Variants in DYNC1H1 observed in about 807,000 individuals in gnomAD.
DYNC1H1 encodes dynein cytoplasmic 1 heavy chain 1, also known as cytoplasmic dynein 1 heavy chain 1.
A neutral mutation model predicts 527.1 loss-of-function variants in DYNC1H1; 51 were observed. The observed-to-expected ratio is 0.10, with a 90% CI of 0.08 to 0.12. The LOEUF is 0.12. Among genes scored for constraint, DYNC1H1 ranks in the 10% least tolerant of loss-of-function variants. The pLI, the probability that DYNC1H1 is intolerant of heterozygous loss-of-function variation, is 1.00. For missense variants in DYNC1H1, 2,771 were observed against 5,971.8 expected (o/e 0.46, Z 17.66); for synonymous variants, 2,189 against 2,278.8 (o/e 0.96, Z 1.12).
In DYNC1H1 at chr14:102,001,486, A is replaced by G. The variant is rs1252120247; in HGVS notation, c.4396-49A>G. ...ATAATGCTGGGTCCCTTGTGCAGGTAGTGAATGCCCACATATTGATAACAT... is the reference window on the plus strand; with the variant it reads ...ATAATGCTGGGTCCCTTGTGCAGGTGGTGAATGCCCACATATTGATAACAT... On this transcript the variant is annotated intron_variant, in intron 20 of 77. Transcript: ENST00000360184. This position sits in a 1 kb window ranked among gnomAD's most constrained non-coding sequence, Gnocchi z 5.0. 2.5e-6 allele frequency: 4 copies of G among 1,613,870 alleles called. No homozygotes were observed. The highest frequency in any genetic ancestry group is 2.2e-5 in the South Asian group (2 of 91,060).
chr14:101,994,606 T>C, intron 12 of DYNC1H1, 67 bp from the exon 13 acceptor site: 1 of 1,584,732 alleles, frequency 6.3e-7, no homozygotes, highest in South Asian at 1.1e-5. Context: ...AATGTGAACA[T>C]AAGAGGTGCC....
At chr14:102,040,983 A>C (rs1478360333) in intron 64 of DYNC1H1, 4 of 462,392 alleles carry the variant, frequency 8.7e-6, no homozygotes, top group Non-Finnish European at 1.6e-5. Context: ...GATTCCCAAG[A>C]TAAGTATTTC....
chr14:101,979,656 A>G lies in DYNC1H1; in HGVS notation c.519-63A>G, dbSNP rs1343751087. The G allele has an allele frequency of 1.9e-6, 3 of 1,611,844 alleles. No individual in the cohort carries two copies. In the African/African-American group the frequency reaches 4.0e-5, roughly 22 times the overall value. The stretch of plus-strand genomic sequence containing the variant: ...GTCATTACTATTTGACAGACCTGAA[A>G]TGATGGGATCTCTTTGGAGACCAAT... On this transcript the variant is annotated intron_variant, in intron 3 of 77. Transcript: ENST00000360184. The surrounding 1 kb of genome is among the most constrained non-coding windows in gnomAD (Gnocchi z 4.6).
intron 42 of DYNC1H1, 92 bp from the exon 43 acceptor site, chr14:102,022,659 G>A (rs1462229458): frequency 1.0e-5 from 16 of 1,584,146 alleles, no homozygotes; most frequent in Admixed American, 3.4e-5. Flanking sequence ...GCATCCTTTG[G>A]AAGAGCCCAC....
At chr14:102,046,847 G>A (rs1418868088) in intron 72 of DYNC1H1, among the ~76,000 whole-genome samples, 2 of 150,242 alleles carry the variant, frequency 1.3e-5, no homozygotes, top group Non-Finnish European at 2.9e-5. Context: ...CACTCAGACT[G>A]GAGTGCAGTG....
chr14:102,019,973 A>G lies in DYNC1H1; in HGVS notation c.8424A>G (p.Glu2808=), dbSNP rs1312462200. 6.2e-7 allele frequency: 1 copy of G among 1,614,044 alleles called. No homozygotes were observed. The highest frequency in any genetic ancestry group is 1.7e-5 in the Admixed American group (1 of 59,984). ...CTAGGTGGGTGAGAGGCATCTTTGA[A>G]GCGCTGAGACCTCTGGAGACCCTGC... The part of the protein sequence containing the change: ...EMTRWVRGIF[E]ALRPLETLPV... Residue 2808 remains glutamate (E), a synonymous_variant, in exon 42 of 78, where the codon GAA becomes GAG. Transcript: ENST00000360184.
In DYNC1H1 at chr14:102,029,383, C is replaced by CT; in HGVS notation, c.9469-155dup. 1.1e-6 allele frequency: 1 copy of CT among 897,868 alleles called. No individual in the cohort carries two copies. The highest frequency in any genetic ancestry group is 1.7e-6 in the Non-Finnish European group (1 of 576,146). 55.6% of individuals were successfully genotyped at this position (897,868 alleles called of 1,614,324 possible). A position where few individuals can be genotyped will look rare whatever the true frequency, so the allele number is the denominator to read the frequency against. ...AAGTGTAAGGGGTATCTCGAAAGCT[C>CT]TAAGTGGCTAAGCTGAGGCCCGACT... is the stretch of plus-strand genomic sequence containing the variant. On this transcript the variant is annotated intron_variant, in intron 48 of 77. Transcript: ENST00000360184. The surrounding 1 kb of genome is among the most constrained non-coding windows in gnomAD (Gnocchi z 5.3).
rs1244748017 is a variant in DYNC1H1, at chr14:101,986,141, G to A, written c.1916G>A (p.Arg639His). ...CAGGCTTGTAAGATGAGTCACGTTC[G>A]TGACTTGCCCCCTGTGTCAGGGTCT... is the stretch of plus-strand genomic sequence containing the variant. ...QSQACKMSHV[R>H]DLPPVSGSII... The change falls in exon 8 of 78, where the codon CGT becomes CAT. Residue 639 changes from arginine (R) to histidine (H), a missense_variant. Around this residue, in one of 32 missense-constraint regions of DYNC1H1, gnomAD observed 264 missense variants for 619.4 expected, o/e 0.43. Transcript: ENST00000360184. The surrounding 1 kb of genome is among the most constrained non-coding windows in gnomAD (Gnocchi z 8.7). 12 of 1,614,106 alleles carry A rather than the reference G, an allele frequency of 7.4e-6. No homozygotes were observed. Among genetic ancestry groups the A allele is most frequent in the Non-Finnish European group, 9.3e-6 (11 of 1,180,056 alleles).
rs1382680965 is a variant in DYNC1H1, at chr14:102,042,157, G to A, written c.12214+33G>A. On this transcript the variant is annotated intron_variant, in intron 66 of 77. Coordinates refer to ENST00000360184, the MANE Select transcript of DYNC1H1 (RefSeq NM_001376.5). The surrounding 1 kb of genome is among the most constrained non-coding windows in gnomAD (Gnocchi z 5.7). ...TGCTTGAGGGGCTTCATGGGCTGGAGCCCTGCAGGATTTGTGGTGGGCATT... is the reference window on the plus strand; with the variant it reads ...TGCTTGAGGGGCTTCATGGGCTGGAACCCTGCAGGATTTGTGGTGGGCATT... The A allele has an allele frequency of 1.2e-6, 2 of 1,614,040 alleles. No individual in the cohort carries two copies. Among genetic ancestry groups the A allele is most frequent in the East Asian group, 2.2e-5 (1 of 44,838 alleles).
At chr14:102,019,760 T>G in intron 41 of DYNC1H1, 133 bp from the exon 42 acceptor site, 1 of 1,169,694 alleles carries the variant, frequency 8.5e-7, no homozygotes, top group Non-Finnish European at 1.2e-6. Flanking sequence ...CACCACCATG[T>G]CCAGCTATCT....
intron 34 of DYNC1H1, among the ~76,000 whole-genome samples, chr14:102,013,602 GA>G (rs2048285638): frequency 6.6e-6 from 1 of 152,180 alleles, no homozygotes; most frequent in African/African-American, 2.4e-5. Flanking sequence ...TGAGACTAGA[GA>G]GGAAACGAGC....
intron 23 of DYNC1H1, among the ~76,000 whole-genome samples, chr14:102,004,048 T>C (rs1028443869): frequency 3.9e-5 from 6 of 152,044 alleles, no homozygotes; most frequent in Non-Finnish European, 5.9e-5. Flanking sequence ...GAGACCATCC[T>C]GGCTAACATG....
At chr14:102,009,097 G>A (rs892732630) in intron 29 of DYNC1H1, among the ~76,000 whole-genome samples, 2 of 152,130 alleles carry the variant, frequency 1.3e-5, no homozygotes, top group South Asian at 2.1e-4. Context: ...CCTTTATCAC[G>A]ATAGGAGCAG....
Position 102,005,840 on chromosome 14 carries a change from G to A in DYNC1H1, c.5434-48G>A. On this transcript the variant is annotated intron_variant, in intron 26 of 77. Transcript: ENST00000360184. This position sits in a 1 kb window ranked among gnomAD's most constrained non-coding sequence, Gnocchi z 4.0. ...AGTCCACAAACCCGGAGAATGCACT[G>A]TATTGCTTTAGTGTAGATGAACTTT... 6.2e-7 allele frequency: 1 copy of A among 1,611,234 alleles called. No individual in the cohort carries two copies. Among genetic ancestry groups the A allele is most frequent in the Non-Finnish European group, 8.5e-7 (1 of 1,177,716 alleles).
rs953070572 is a variant in DYNC1H1, at chr14:102,005,486, C to G, written c.5433+250C>G. On this transcript the variant is annotated intron_variant, in intron 26 of 77. Transcript: ENST00000360184. This position sits in a 1 kb window ranked among gnomAD's most constrained non-coding sequence, Gnocchi z 4.0. Reference sequence around the variant, plus strand: ...TCAACCTTGGTCAGGATCTCTTGCTCTTTCCTGTCATCTCCCCAGAGAGGT... The same window carrying G: ...TCAACCTTGGTCAGGATCTCTTGCTGTTTCCTGTCATCTCCCCAGAGAGGT... 6.6e-6 allele frequency among the ~76,000 whole-genome samples: 1 copy of G among 152,228 alleles called. No individual in the cohort carries two copies. The highest frequency in any genetic ancestry group is 1.5e-5 in the Non-Finnish European group (1 of 68,046).
rs1311761539 is a variant in DYNC1H1, at chr14:102,041,808, C to T, written c.12102+74C>T. 1.9e-6 allele frequency: 3 copies of T among 1,607,028 alleles called. No homozygotes were observed. The highest frequency in any genetic ancestry group is 2.5e-6 in the Non-Finnish European group (3 of 1,177,158). On this transcript the variant is annotated intron_variant, in intron 65 of 77. Transcript: ENST00000360184. This position sits in a 1 kb window ranked among gnomAD's most constrained non-coding sequence, Gnocchi z 4.5. Reference sequence around the variant, plus strand: ...TCCCCAGCCACAGGTGGCAGCAGCCCTGGCATCTGCTCTCACTCCGGGCTA... The same window carrying T: ...TCCCCAGCCACAGGTGGCAGCAGCCTTGGCATCTGCTCTCACTCCGGGCTA...
intron 57 of DYNC1H1, chr14:102,037,631 G>C (rs984472024): frequency 6.6e-6 from 1 of 152,376 alleles, no homozygotes; most frequent in Non-Finnish European, 1.5e-5. Flanking sequence ...CACACACTGG[G>C]ACCTTTCAGA....
chr14:102,036,175 A>G lies in DYNC1H1; in HGVS notation c.10755-314A>G, dbSNP rs895132758. 7 of 360,348 alleles carry G rather than the reference A, an allele frequency of 1.9e-5. No homozygotes were observed. The highest frequency in any genetic ancestry group is 1.5e-4 in the African/African-American group (7 of 47,456). The allele number at this position is 360,348 out of a possible 1,614,324, so 22.3% of individuals were successfully genotyped here. On this transcript the variant is annotated intron_variant, in intron 56 of 77. Coordinates refer to ENST00000360184, the MANE Select transcript of DYNC1H1 (RefSeq NM_001376.5). The surrounding 1 kb of genome is among the most constrained non-coding windows in gnomAD (Gnocchi z 5.6). ...CGTGCTGTCTAGAAGGATCGTAAAC[A>G]TGAAAAAGCTATTCTAACAGTGCAG...
chr14:101,970,473 G>GT (rs958653217), intron 1 of DYNC1H1, among the ~76,000 whole-genome samples: 2,859 of 81,294 alleles, frequency 0.035, 576 homozygotes, highest in Non-Finnish European at 0.054. Flanking sequence ...GTTTGTTGTT[G>GT]TTTTTTTTTT....
Sources: allele counts gnomAD v4.1 joint callset (sites outside exome capture counted in the v4.1 genomes callset), GRCh38; gene constraint gnomAD v4.1.1; regional missense constraint gnomAD v4.1.1; non-coding constraint Gnocchi (gnomAD v3.1); transcripts MANE v1.5; gene names NCBI Gene and HGNC (gene_info 2026-07-23, HGNC 2026-07-21).